The following CHRM3 variants were observed in gnomAD, a reference collection of about 807,000 sequenced individuals.
The protein encoded by CHRM3 is cholinergic receptor muscarinic 3, also known as muscarinic acetylcholine receptor M3.
CHRM3 carries 11 observed loss-of-function variants against 41.8 expected under a neutral mutation model. The observed-to-expected ratio is 0.26, with a 90% CI of 0.17 to 0.44. The LOEUF is 0.44. CHRM3 is among the 20% of genes least tolerant of loss of function. The pLI is 1.00. For missense variants in CHRM3, 571 were observed against 745.4 expected (o/e 0.77, Z 2.72); for synonymous variants, 297 against 301.4 (o/e 0.99, Z 0.15).
At chr1:239,768,310 A>T (rs1171343364) in intron 5 of CHRM3, among the ~76,000 whole-genome samples, 1 of 152,196 alleles carries the variant, frequency 6.6e-6, no homozygotes, top group Non-Finnish European at 1.5e-5. Flanking sequence ...TTTAAAGATC[A>T]GATTTTTGGG....
intron 6 of CHRM3, among the ~76,000 whole-genome samples, chr1:239,830,993 GA>G (rs1280393795): frequency 7.2e-5 from 11 of 151,920 alleles, no homozygotes; most frequent in African/African-American, 2.2e-4. Context: ...TTGTATTTGG[GA>G]TTTTTTTTTT....
intron 1 of CHRM3, among the ~76,000 whole-genome samples, chr1:239,488,714 CAAAAAAAAAAAAAAAAAAAAAAAAA>C (rs763682628): frequency 4.3e-5 from 2 of 46,208 alleles, no homozygotes; most frequent in Non-Finnish European, 6.8e-5. Context: ...GACTCCTTCT[CAAAAAAAAAAAAAAAAAAAAAAAAA>C]AAAAAAAAAA....
At chr1:239,415,380 C>T (rs954908993) in intron 1 of CHRM3, among the ~76,000 whole-genome samples, 1 of 152,144 alleles carries the variant, frequency 6.6e-6, no homozygotes, top group Non-Finnish European at 1.5e-5. Context: ...ACGGAGGTTG[C>T]AGTGAGCTGA....
intron 1 of CHRM3, among the ~76,000 whole-genome samples, chr1:239,400,067 A>G (rs1659838257): frequency 2.0e-5 from 3 of 152,106 alleles, no homozygotes; most frequent in Admixed American, 2.0e-4. Flanking sequence ...GCCTGCCACC[A>G]TGCCTGGCTA....
chr1:239,511,063 T>C (rs1163033706), intron 2 of CHRM3, among the ~76,000 whole-genome samples: 1 of 152,172 alleles, frequency 6.6e-6, no homozygotes, highest in Non-Finnish European at 1.5e-5. Flanking sequence ...TAAAGAAAAG[T>C]ACCACAGGCA....
intron 3 of CHRM3, among the ~76,000 whole-genome samples, chr1:239,590,909 A>G (rs1283269393): frequency 1.3e-5 from 2 of 152,218 alleles, no homozygotes; most frequent in East Asian, 3.9e-4. Context: ...AGGTGGTTAC[A>G]AACTCAAATA....
At chr1:239,694,421 A>G (rs1354436428) in intron 5 of CHRM3, among the ~76,000 whole-genome samples, 2 of 152,200 alleles carry the variant, frequency 1.3e-5, no homozygotes, top group Non-Finnish European at 2.9e-5. Context: ...GCCTTGGGCA[A>G]ATGAACCCTC....
At chr1:239,471,949 C>T (rs11805526) in intron 1 of CHRM3, among the ~76,000 whole-genome samples, 4,086 of 152,182 alleles carry the variant, frequency 0.027, 83 homozygotes, top group Non-Finnish European at 0.041. Context: ...CTGGACTCGC[C>T]AATTTTTTTT....
intron 1 of CHRM3, among the ~76,000 whole-genome samples, chr1:239,404,472 G>GAAAGAA (rs1660407834): frequency 2.8e-5 from 4 of 140,672 alleles, no homozygotes; most frequent in African/African-American, 8.3e-5. Context: ...GAAAGAAAAA[G>GAAAGAA]AAAGAAAGAA....
At chr1:239,455,550 C>T (rs1056151881) in intron 1 of CHRM3, among the ~76,000 whole-genome samples, 3 of 151,866 alleles carry the variant, frequency 2.0e-5, no homozygotes, top group African/African-American at 4.8e-5. Flanking sequence ...ACCTAAGTTA[C>T]GGTGTGTGTT....
In CHRM3 at chr1:239,662,105, A is replaced by ATGTGTGTGTG. The variant is rs57202092; in HGVS notation, c.-249-16051_-249-16042dup. Among the ~76,000 whole-genome samples, 1,108 of 144,810 alleles carry ATGTGTGTGTG rather than the reference A, an allele frequency of 7.7e-3. 11 individuals are homozygous for ATGTGTGTGTG. Among genetic ancestry groups the ATGTGTGTGTG allele is most frequent in the African/African-American group, 0.025 (967 of 39,350 alleles). ...AAGGAAATATCTGTTTCAGTTTTAG[A>ATGTGTGTGTG]TGTGTGTGTGTGTGTGTGTGTGTGT... On this transcript the variant is annotated intron_variant, in intron 4 of 6. Coordinates refer to ENST00000676153, the MANE Select transcript of CHRM3 (RefSeq NM_001375978.1).
At chr1:239,685,507 A>G (rs1252019344) in intron 5 of CHRM3, among the ~76,000 whole-genome samples, 5 of 152,094 alleles carry the variant, frequency 3.3e-5, no homozygotes, top group Non-Finnish European at 7.3e-5. Context: ...CCTCTCGTGC[A>G]TTGGGTTGTG....
At chr1:239,798,979 G>C (rs1670000371) in intron 5 of CHRM3, among the ~76,000 whole-genome samples, 1 of 152,180 alleles carries the variant, frequency 6.6e-6, no homozygotes, top group Non-Finnish European at 1.5e-5. Context: ...GTCTAAAGAT[G>C]AAAGTGTAGC....
At chr1:239,636,334 T>C (rs1670464081) in intron 4 of CHRM3, among the ~76,000 whole-genome samples, 2 of 152,176 alleles carry the variant, frequency 1.3e-5, no homozygotes, top group African/African-American at 4.8e-5. Flanking sequence ...GTGAAAAATA[T>C]CCCGTGAAAC....
At chr1:239,468,504 C>A (rs1304214257) in intron 1 of CHRM3, among the ~76,000 whole-genome samples, 1 of 152,080 alleles carries the variant, frequency 6.6e-6, no homozygotes, top group African/African-American at 2.4e-5. Context: ...GTGATGGTTG[C>A]CAATCCTATA....
chr1:239,519,061 C>T (rs1016669407), intron 2 of CHRM3, among the ~76,000 whole-genome samples: 1 of 151,994 alleles, frequency 6.6e-6, no homozygotes, highest in Non-Finnish European at 1.5e-5. Flanking sequence ...TTCAGCTTTA[C>T]CTTTCTGACT....
chr1:239,435,269 A>G lies in CHRM3; in HGVS notation c.-521+48042A>G, dbSNP rs184438189. On this transcript the variant is annotated intron_variant, in intron 1 of 6. Coordinates refer to ENST00000676153, the MANE Select transcript of CHRM3 (RefSeq NM_001375978.1). ...GTTTGAGACCAGCCTGGCCAATATCATGAAACCCCGTCTCTACTAAAAATA... is the reference window on the plus strand; with the variant it reads ...GTTTGAGACCAGCCTGGCCAATATCGTGAAACCCCGTCTCTACTAAAAATA... Among the ~76,000 whole-genome samples the G allele has an allele frequency of 2.2e-4, 33 of 151,994 alleles. 1 individual carries two copies. Among genetic ancestry groups the G allele is most frequent in the African/African-American group, 7.2e-4 (30 of 41,486 alleles).
In CHRM3 at chr1:239,771,527, C is replaced by T. The variant is rs1168508810; in HGVS notation, c.-146-55725C>T. On this transcript the variant is annotated intron_variant, in intron 5 of 6. Coordinates refer to ENST00000676153, the MANE Select transcript of CHRM3 (RefSeq NM_001375978.1). ...GATGTATCAGGTTATTCGTTGCAGC[C>T]TTATTTGTGACAAAATAACTGTGTG... is the stretch of plus-strand genomic sequence containing the variant. Among the ~76,000 whole-genome samples, 4 of 152,346 alleles carry T rather than the reference C, an allele frequency of 2.6e-5. No individual in the cohort carries two copies. The East Asian group carries it at 7.7e-4, about 29-fold the overall frequency.
intron 2 of CHRM3, among the ~76,000 whole-genome samples, chr1:239,540,606 T>G (rs1036491680): frequency 2.0e-5 from 3 of 152,206 alleles, no homozygotes; most frequent in African/African-American, 7.2e-5. Flanking sequence ...TTTCGTGCTC[T>G]CAAAGAAATT....
Sources: gnomAD v4.1 joint callset for allele counts (sites outside exome capture counted in the v4.1 genomes callset) on GRCh38, gnomAD v4.1.1 for gene constraint, MANE v1.5 for transcripts, NCBI Gene and HGNC (gene_info 2026-07-23, HGNC 2026-07-21) for gene names.